AUTS2: variants seen among roughly 807,000 people sequenced by gnomAD.
AUTS2 encodes activator of transcription and developmental regulator AUTS2.
Under a neutral mutation model 112.4 loss-of-function variants are expected in AUTS2, and 17 were observed. The ratio of observed to expected loss-of-function variants is 0.15; its 90% CI spans 0.10 to 0.23. The LOEUF (loss-of-function observed/expected upper bound fraction) is 0.23, where lower values mean the gene tolerates loss of function less well. AUTS2 is among the 10% of genes least tolerant of loss of function. AUTS2 has a pLI of 1.00. For missense variants in AUTS2, 1,510 were observed against 1,701.6 expected (o/e 0.89, Z 1.98); for synonymous variants, 751 against 702.7 (o/e 1.07, Z -1.09).
chr7:70,242,032 T>C (rs1812641410), intron 4 of AUTS2, among the ~76,000 whole-genome samples: 1 of 152,192 alleles, frequency 6.6e-6, no homozygotes, highest in African/African-American at 2.4e-5. Context: ...TCTTTAGACA[T>C]GTGCAGAGTG....
At chr7:70,750,872 G>A (rs987955595) in intron 6 of AUTS2, among the ~76,000 whole-genome samples, 4 of 152,198 alleles carry the variant, frequency 2.6e-5, no homozygotes, top group African/African-American at 9.7e-5. Context: ...TTTGCTGCTA[G>A]TGGCTTTACT....
intron 1 of AUTS2, among the ~76,000 whole-genome samples, chr7:69,815,905 C>G (rs1482680422): frequency 6.6e-6 from 1 of 152,216 alleles, no homozygotes; most frequent in Admixed American, 6.5e-5. Context: ...TCTTTGACTA[C>G]TTCACGCTGT....
Position 70,352,529 on chromosome 7 carries a change from G to A in AUTS2, c.661-83223G>A, listed in dbSNP as rs56822156. ...GGATCTAGATTATTCATCATCCACT[G>A]GGATCTTTATTGGTGTTCCTTGTCC... On this transcript the variant is annotated intron_variant, in intron 4 of 18. Transcript: ENST00000342771. 6.9e-3 allele frequency among the ~76,000 whole-genome samples: 1,054 copies of A among 152,130 alleles called. 38 individuals carry two copies. The East Asian group carries it at 0.098, about 14-fold the overall frequency.
intron 4 of AUTS2, among the ~76,000 whole-genome samples, chr7:70,337,094 T>G (rs1791024465): frequency 6.6e-6 from 1 of 152,208 alleles, no homozygotes; most frequent in African/African-American, 2.4e-5. Flanking sequence ...CTCCAGGAAC[T>G]GAATTTTTCA....
chr7:70,722,774 C>T (rs1315910787), intron 6 of AUTS2, among the ~76,000 whole-genome samples: 2 of 152,092 alleles, frequency 1.3e-5, no homozygotes, highest in African/African-American at 4.8e-5. Context: ...AAATCCTGTC[C>T]CTTTCAAATT....
chr7:69,962,799 GAA>G (rs1177056923), intron 2 of AUTS2, among the ~76,000 whole-genome samples: 2 of 152,022 alleles, frequency 1.3e-5, no homozygotes, highest in East Asian at 1.9e-4. Flanking sequence ...AAAAGAGAGA[GAA>G]AGTCATTCTT....
intron 1 of AUTS2, among the ~76,000 whole-genome samples, chr7:69,689,958 G>T (rs1797253920): frequency 1.3e-5 from 2 of 151,874 alleles, no homozygotes; most frequent in African/African-American, 4.8e-5. Flanking sequence ...CTCCCAAAGT[G>T]CTGGGATTAT....
At chr7:69,678,440 C>G (rs1423815785) in intron 1 of AUTS2, among the ~76,000 whole-genome samples, 1 of 152,050 alleles carries the variant, frequency 6.6e-6, no homozygotes, top group African/African-American at 2.4e-5. Flanking sequence ...AATCAAGTTT[C>G]TCTTTTTAAA....
chr7:69,949,456 A>G (rs912553613), intron 2 of AUTS2, among the ~76,000 whole-genome samples: 4 of 152,206 alleles, frequency 2.6e-5, no homozygotes, highest in African/African-American at 7.2e-5. Flanking sequence ...AGAAAAAGCT[A>G]ACACCACTTG....
chr7:70,353,435 A>T (rs1791857355), intron 4 of AUTS2, among the ~76,000 whole-genome samples: 2 of 152,082 alleles, frequency 1.3e-5, no homozygotes, highest in Admixed American at 1.3e-4. Context: ...TCAAGAGAAG[A>T]TTGCTTACAA....
intron 5 of AUTS2, among the ~76,000 whole-genome samples, chr7:70,633,610 CAAAAAA>C (rs71870928): frequency 4.8e-5 from 5 of 104,868 alleles, no homozygotes; most frequent in Admixed American, 2.2e-4. Context: ...GACTCCGTCT[CAAAAAA>C]AAAAAAAAAA....
At chr7:69,962,268 T>G (rs905433109) in intron 2 of AUTS2, among the ~76,000 whole-genome samples, 2 of 152,132 alleles carry the variant, frequency 1.3e-5, no homozygotes, top group Non-Finnish European at 2.9e-5. Flanking sequence ...TGCCATTTAA[T>G]TCTGTTCTTG....
chr7:70,737,883 C>T (rs1787864218), intron 6 of AUTS2, among the ~76,000 whole-genome samples: 1 of 152,206 alleles, frequency 6.6e-6, no homozygotes, highest in East Asian at 1.9e-4. Flanking sequence ...AAATATAATG[C>T]AGACTAATTA....
chr7:69,933,418 A>C (rs1452466376), intron 2 of AUTS2, among the ~76,000 whole-genome samples: 2 of 152,220 alleles, frequency 1.3e-5, no homozygotes, highest in Non-Finnish European at 2.9e-5. Flanking sequence ...ACCTTGAAAC[A>C]TGGATAGGTC....
chr7:70,751,937 G>T (rs1788889773), intron 6 of AUTS2, among the ~76,000 whole-genome samples: 1 of 151,834 alleles, frequency 6.6e-6, no homozygotes, highest in East Asian at 1.9e-4. Flanking sequence ...GTTGGCCAGG[G>T]TGGTCTTGAA....
rs74984067 is a variant in AUTS2 at position 69,770,265 on chromosome 7, A to C, written c.310-129021A>C. ...AGCAAAACATCTTCTTGCACTTTTT[A>C]CATTATAAATGAGGACCATAGAACT... On this transcript the variant is annotated intron_variant, in intron 1 of 18. Transcript: ENST00000342771. Among the ~76,000 whole-genome samples the C allele has an allele frequency of 2.9e-3, 444 of 152,308 alleles. 5 individuals are homozygous for C. Among genetic ancestry groups the C allele is most frequent in the African/African-American group, 0.01 (430 of 41,570 alleles).
At chr7:70,548,425 A>G (rs1200004221) in intron 5 of AUTS2, among the ~76,000 whole-genome samples, 2 of 151,982 alleles carry the variant, frequency 1.3e-5, no homozygotes, top group African/African-American at 4.8e-5. Context: ...ATTTTGTTGA[A>G]GTCCAGTTTA....
At chr7:69,931,112 TAC>T (rs58190258) in intron 2 of AUTS2, among the ~76,000 whole-genome samples, 13,065 of 148,850 alleles carry the variant, frequency 0.088, 604 homozygotes, top group Middle Eastern at 0.16. Context: ...ATTTTGGATT[TAC>T]ACACACACAC....
intron 12 of AUTS2, 100 bp from the exon 13 acceptor site, chr7:70,775,257 C>A: frequency 2.0e-6 from 2 of 1,018,844 alleles, no homozygotes; most frequent in Non-Finnish European, 3.0e-6. Flanking sequence ...AAAATTCTAA[C>A]ATTTTAATTT....
Sources: allele counts gnomAD v4.1 joint callset (sites outside exome capture counted in the v4.1 genomes callset), GRCh38; gene constraint gnomAD v4.1.1; transcripts MANE v1.5; gene names NCBI Gene and HGNC (gene_info 2026-07-23, HGNC 2026-07-21).